The following COL19A1 variants were observed in gnomAD, a reference collection of about 807,000 sequenced individuals.
The protein encoded by COL19A1 is collagen type XIX alpha 1 chain, also known as collagen alpha-1(XIX) chain.
In COL19A1, 159 loss-of-function variants were observed where a neutral mutation model predicts 190.2. That is an observed-to-expected ratio of 0.84 (90% CI 0.73 to 0.95). COL19A1 has a LOEUF of 0.95. Among genes scored for constraint, COL19A1 ranks in the 40% least tolerant of loss-of-function variants. The pLI, the probability that COL19A1 is intolerant of heterozygous loss-of-function variation, is 0.00. For synonymous variants in COL19A1, 509 were observed against 458.9 expected, an observed-to-expected ratio of 1.11 and a Z score of -1.39; for missense variants, 1,418 against 1,431.9, an observed-to-expected ratio of 0.99 and a Z score of 0.16.
intron 15 of COL19A1, among the ~76,000 whole-genome samples, chr6:70,071,778 G>T (rs1190836244): frequency 6.6e-6 from 1 of 151,910 alleles, no homozygotes; most frequent in Non-Finnish European, 1.5e-5. Flanking sequence ...AGTTAAGAGG[G>T]GGTTTAATCC....
At chr6:69,944,097 G>A (rs976519889) in intron 9 of COL19A1, among the ~76,000 whole-genome samples, 1 of 152,090 alleles carries the variant, frequency 6.6e-6, no homozygotes, top group African/African-American at 2.4e-5. Context: ...ATGTATGCCT[G>A]AAGTGTCCTT....
At chr6:70,039,594 A>G (rs963241863) in intron 14 of COL19A1, among the ~76,000 whole-genome samples, 8 of 152,224 alleles carry the variant, frequency 5.3e-5, no homozygotes, top group African/African-American at 1.7e-4. Flanking sequence ...ACTAAGGGCG[A>G]AGAGCTGAAC....
chr6:69,978,307 T>A (rs1254862042), intron 11 of COL19A1, among the ~76,000 whole-genome samples: 2 of 152,092 alleles, frequency 1.3e-5, no homozygotes, highest in Non-Finnish European at 2.9e-5. Context: ...AAAGAGATAA[T>A]GTTTTGCATT....
intron 11 of COL19A1, among the ~76,000 whole-genome samples, chr6:69,992,923 C>T (rs1776707469): frequency 1.3e-5 from 2 of 151,926 alleles, no homozygotes; most frequent in Non-Finnish European, 2.9e-5. Context: ...GACTTCTTCT[C>T]TTTCTATTTG....
intron 49 of COL19A1, among the ~76,000 whole-genome samples, chr6:70,201,880 G>A (rs992839024): frequency 1.3e-5 from 2 of 152,098 alleles, no homozygotes; most frequent in African/African-American, 4.8e-5. Context: ...TTTAATTTTT[G>A]GTGCCTCTAG....
chr6:69,926,460 G>T (rs1562004822), intron 4 of COL19A1, among the ~76,000 whole-genome samples: 1 of 152,078 alleles, frequency 6.6e-6, no homozygotes, highest in Non-Finnish European at 1.5e-5. Flanking sequence ...AAATTATTAA[G>T]AAGCAGCAAA....
chr6:69,933,600 A>G (rs1772920232), intron 7 of COL19A1, among the ~76,000 whole-genome samples: 1 of 151,984 alleles, frequency 6.6e-6, no homozygotes, highest in Non-Finnish European at 1.5e-5. Flanking sequence ...AATATTCCCA[A>G]CCTAACCATA....
At chr6:70,141,996 G>T (rs1583011576) in intron 21 of COL19A1, 27 bp from the exon 22 acceptor site, 1 of 1,612,240 alleles carries the variant, frequency 6.2e-7, no homozygotes, top group Non-Finnish European at 8.5e-7. Flanking sequence ...AAGAAACATT[G>T]ATCTTTCCTT....
chr6:70,071,838 C>T (rs371031287), intron 15 of COL19A1, among the ~76,000 whole-genome samples: 1 of 151,938 alleles, frequency 6.6e-6, no homozygotes, highest in African/African-American at 2.4e-5. Flanking sequence ...AACAGAAGAG[C>T]GGTTCTAGAT....
chr6:69,929,515 C>G lies in COL19A1; in HGVS notation c.481C>G (p.Arg161Gly), dbSNP rs866179157. 6.2e-7 allele frequency: 1 copy of G among 1,613,994 alleles called. No individual in the cohort carries two copies. The highest frequency in any genetic ancestry group is 8.5e-7 in the Non-Finnish European group (1 of 1,179,968). Residue 161 changes from arginine (R) to glycine (G), a missense_variant, in exon 6 of 51, where the codon CGA (arginine) becomes GGA (glycine). By Grantham distance (125) the Arg-to-Gly change is moderately radical. Transcript: ENST00000620364. ...TGTGTTGAACTACATTTTTAGAAAT[C>G]GAGAACTCCGTCCTTTGTTTGATCG... ...GDVLNYIFRN[R>G]ELRPLFDRQW...
At chr6:69,961,822 CAT>C (rs951844090) in intron 10 of COL19A1, among the ~76,000 whole-genome samples, 1 of 151,870 alleles carries the variant, frequency 6.6e-6, no homozygotes, top group African/African-American at 2.4e-5. Context: ...ATATAAAAAA[CAT>C]ACTCACAAAC....
At chr6:70,158,930 T>C (rs541671940) in intron 34 of COL19A1, among the ~76,000 whole-genome samples, 2 of 152,262 alleles carry the variant, frequency 1.3e-5, no homozygotes, top group South Asian at 2.1e-4. Context: ...AATTATCTTA[T>C]TGCCCTTTAT....
chr6:70,033,309 G>A (rs1779168964), intron 12 of COL19A1, among the ~76,000 whole-genome samples: 1 of 152,056 alleles, frequency 6.6e-6, no homozygotes, highest in South Asian at 2.1e-4. Context: ...AAAATGTCAG[G>A]GCAGTAATAG....
At chr6:69,995,503 A>T (rs967990616) in intron 11 of COL19A1, among the ~76,000 whole-genome samples, 59 of 150,870 alleles carry the variant, frequency 3.9e-4, no homozygotes, top group African/African-American at 1.3e-3. Flanking sequence ...AGATGGTTTG[A>T]TTTAAGTAAA....
chr6:70,188,095 A>T lies in COL19A1; in HGVS notation c.2877A>T (p.Gly959=), dbSNP rs1057309246. Residue 959 remains glycine (G), a synonymous_variant, in exon 47 of 51, where the codon GGA becomes GGT. Transcript: ENST00000620364. The part of the protein sequence containing the change: ...KGERGDQGIP[G]DRGSQGERGK... ...AACAGGGTGATCAGGGGATTCCAGG[A>T]GACAGAGGCTCACAAGGTGAACGGG... 13 of 1,613,352 alleles carry T rather than the reference A, an allele frequency of 8.1e-6. No individual in the cohort carries two copies. Among genetic ancestry groups the T allele is most frequent in the African/African-American group, 1.3e-5 (1 of 74,912 alleles).
intron 2 of COL19A1, chr6:69,891,205 A>C (rs74494269): frequency 1.2e-4 from 16 of 137,460 alleles, no homozygotes; most frequent in Non-Finnish European, 1.8e-4. Context: ...CCAGCTAGCA[A>C]AAAAAAAAAA....
intron 4 of COL19A1, among the ~76,000 whole-genome samples, chr6:69,922,633 A>G (rs1772063000): frequency 6.6e-6 from 1 of 151,914 alleles, no homozygotes; most frequent in Admixed American, 6.6e-5. Flanking sequence ...GGCGCGTGCC[A>G]CCATGCCTGA....
At chr6:70,109,367 A>G (rs572017342) in intron 16 of COL19A1, among the ~76,000 whole-genome samples, 5 of 152,116 alleles carry the variant, frequency 3.3e-5, no homozygotes, top group Admixed American at 1.3e-4. Flanking sequence ...GGTGGGGAAA[A>G]GCTTGATGTA....
chr6:70,146,644 C>CTTTTTTT lies in COL19A1; in HGVS notation c.1771-14_1771-8dup. ...TTCTAGAAGAAGATATGTATTCATA[C>CTTTTTTT]TTTTTTTCTTTTAGGGATTAGATGG... On this transcript the variant is annotated splice_polypyrimidine_tract_variant and intron_variant, in intron 25 of 50. Coordinates refer to ENST00000620364, the MANE Select transcript of COL19A1 (RefSeq NM_001858.6). The CTTTTTTT allele has an allele frequency of 6.3e-7, 1 of 1,594,616 alleles. No individual in the cohort carries two copies. Among genetic ancestry groups the CTTTTTTT allele is most frequent in the Non-Finnish European group, 8.5e-7 (1 of 1,170,164 alleles).
Sources: gnomAD v4.1 joint callset for allele counts (sites outside exome capture counted in the v4.1 genomes callset) on GRCh38, gnomAD v4.1.1 for gene constraint, MANE v1.5 for transcripts, NCBI Gene and HGNC (gene_info 2026-07-23, HGNC 2026-07-21) for gene names.